NEK1: variants seen among roughly 807,000 people sequenced by gnomAD.
NEK1 encodes NIMA related kinase 1.
Under a neutral mutation model 182.1 loss-of-function variants are expected in NEK1, and 137 were observed. That is an observed-to-expected ratio of 0.75 (90% CI 0.65 to 0.87). NEK1 has a LOEUF of 0.87. Among genes scored for constraint, NEK1 ranks in the 40% least tolerant of loss-of-function variants. NEK1 has a pLI of 0.00. For missense variants in NEK1, 1,391 were observed against 1,494.4 expected, an observed-to-expected ratio of 0.93 and a Z score of 1.14; for synonymous variants, 513 against 492.2, an observed-to-expected ratio of 1.04 and a Z score of -0.56.
chr4:169,436,640 A>C (rs1002588193), intron 28 of NEK1, among the ~76,000 whole-genome samples: 1 of 152,236 alleles, frequency 6.6e-6, no homozygotes, highest in Admixed American at 6.5e-5. Flanking sequence ...AGATACAGAG[A>C]GCCCAGGATG....
intron 23 of NEK1, among the ~76,000 whole-genome samples, chr4:169,489,733 C>T (rs1219827787): frequency 1.3e-5 from 2 of 152,126 alleles, no homozygotes; most frequent in African/African-American, 2.4e-5. Context: ...TGCCCTGCTC[C>T]CTAGGGTCCA....
intron 26 of NEK1, 120 bp downstream of exon 26, chr4:169,477,004 T>G (rs1038303615): frequency 3.0e-6 from 2 of 658,978 alleles, no homozygotes; most frequent in African/African-American, 3.7e-5. Flanking sequence ...AAGGAAAATA[T>G]ATAGAATTCT....
intron 19 of NEK1, among the ~76,000 whole-genome samples, chr4:169,512,035 G>A (rs568823122): frequency 5.9e-5 from 9 of 152,086 alleles, no homozygotes; most frequent in Non-Finnish European, 1.3e-4. Flanking sequence ...CATTTGGGTA[G>A]TTTTAAGTTT....
chr4:169,459,606 C>T (rs1743567322), intron 27 of NEK1, among the ~76,000 whole-genome samples: 1 of 152,164 alleles, frequency 6.6e-6, no homozygotes, highest in Non-Finnish European at 1.5e-5. Context: ...TTCATAATTG[C>T]TATCACTTGG....
chr4:169,547,091 T>C (rs557897089), intron 18 of NEK1, among the ~76,000 whole-genome samples: 1 of 152,362 alleles, frequency 6.6e-6, no homozygotes, highest in African/African-American at 2.4e-5. Flanking sequence ...CATTCTGATA[T>C]GCTTTTGCAG....
At chr4:169,530,560 T>A (rs952794372) in intron 19 of NEK1, among the ~76,000 whole-genome samples, 1 of 152,096 alleles carries the variant, frequency 6.6e-6, no homozygotes, top group Admixed American at 6.5e-5. Flanking sequence ...GTAGGTTAAG[T>A]GCAATAAATA....
intron 5 of NEK1, among the ~76,000 whole-genome samples, chr4:169,595,154 A>T (rs114137253): frequency 0.013 from 1,920 of 152,276 alleles, 34 homozygotes; most frequent in African/African-American, 0.043. Context: ...CAATGAACTG[A>T]GTCAGAATTT....
intron 12 of NEK1, 159 bp downstream of exon 12, chr4:169,576,769 G>A: frequency 1.6e-6 from 1 of 623,014 alleles, no homozygotes; most frequent in Non-Finnish European, 2.7e-6. Context: ...CTCCTGTAAG[G>A]CTTCTCAGTT....
chr4:169,537,683 C>G, intron 19 of NEK1, 126 bp downstream of exon 19: 1 of 741,406 alleles, frequency 1.3e-6, no homozygotes, highest in Non-Finnish European at 2.4e-6. Flanking sequence ...TTCTGAGTAT[C>G]TTTACTGCCT....
At chr4:169,472,988 G>A (rs1746286987) in intron 26 of NEK1, among the ~76,000 whole-genome samples, 1 of 152,126 alleles carries the variant, frequency 6.6e-6, no homozygotes, top group Non-Finnish European at 1.5e-5. Flanking sequence ...GCCGGGCACA[G>A]TAGCTCACAC....
intron 5 of NEK1, among the ~76,000 whole-genome samples, chr4:169,592,833 G>A (rs1768770908): frequency 6.6e-6 from 1 of 152,042 alleles, no homozygotes; most frequent in South Asian, 2.1e-4. Flanking sequence ...TAAGGAGTCC[G>A]TACAGTGATA....
Position 169,401,845 on chromosome 4 carries a change from A to G in NEK1, c.3390T>C (p.Thr1130=), listed in dbSNP as rs1169472320. 6.2e-7 allele frequency: 1 copy of G among 1,610,912 alleles called. No individual in the cohort carries two copies. Among genetic ancestry groups the G allele is most frequent in the Admixed American group, 1.7e-5 (1 of 59,652 alleles). Residue 1130 remains threonine, a synonymous_variant, in exon 33 of 36, where the codon ACT becomes ACC. Transcript: ENST00000507142. The stretch of plus-strand genomic sequence containing the variant: ...CCTGCAGCTCTTGTAAATCTGTGTC[A>G]GTTTCTTCAAACACACTGAAATTTA... ...SDSEDIVFEE[T]DTDLQELQAS...
At chr4:169,532,196 G>C (rs936118962) in intron 19 of NEK1, among the ~76,000 whole-genome samples, 48 of 152,012 alleles carry the variant, frequency 3.2e-4, no homozygotes, top group Non-Finnish European at 1.2e-4. Flanking sequence ...ATATATATTT[G>C]TCAATACTCA....
intron 19 of NEK1, among the ~76,000 whole-genome samples, chr4:169,537,158 A>C (rs566963783): frequency 6.6e-6 from 1 of 152,304 alleles, no homozygotes; most frequent in South Asian, 2.1e-4. Context: ...CTGTAGACAA[A>C]ATGTCAAAAG....
At chr4:169,555,613 A>T in intron 18 of NEK1, 107 bp downstream of exon 18, 5 of 1,455,188 alleles carry the variant, frequency 3.4e-6, no homozygotes, top group Non-Finnish European at 3.8e-6. Context: ...AAAAAACATC[A>T]TATGTGAACA....
chr4:169,551,743 T>C (rs1244118760), intron 18 of NEK1, among the ~76,000 whole-genome samples: 1 of 151,928 alleles, frequency 6.6e-6, no homozygotes, highest in Admixed American at 6.6e-5. Flanking sequence ...TCTCCTCCTA[T>C]ACACTCCAAT....
At chr4:169,592,091 T>C (rs1026736342) in intron 5 of NEK1, among the ~76,000 whole-genome samples, 24 of 152,030 alleles carry the variant, frequency 1.6e-4, no homozygotes, top group African/African-American at 5.6e-4. Context: ...AAATAATACA[T>C]ACTGTATGTC....
chr4:169,581,588 ATTTATT>A (rs2150055350), intron 10 of NEK1, among the ~76,000 whole-genome samples: 1 of 152,200 alleles, frequency 6.6e-6, no homozygotes, highest in South Asian at 2.1e-4. Flanking sequence ...CCCAGCACTA[ATTTATT>A]TTTATTAGTT....
intron 18 of NEK1, among the ~76,000 whole-genome samples, chr4:169,547,530 G>GT (rs1760711654): frequency 6.6e-6 from 1 of 152,108 alleles, no homozygotes; most frequent in Non-Finnish European, 1.5e-5. Context: ...GCCTTGCTAG[G>GT]TTGCAGAAGT....
Sources: allele counts gnomAD v4.1 joint callset (sites outside exome capture counted in the v4.1 genomes callset), GRCh38; gene constraint gnomAD v4.1.1; transcripts MANE v1.5; gene names NCBI Gene and HGNC (gene_info 2026-07-23, HGNC 2026-07-21).